The following TTBK2 variants were observed in gnomAD, a reference collection of about 807,000 sequenced individuals.
TTBK2 encodes tau tubulin kinase 2.
In TTBK2, 28 loss-of-function variants were observed where a neutral mutation model predicts 110.8. The observed-to-expected ratio is 0.25, with a 90% confidence interval of 0.19 to 0.35. The LOEUF (loss-of-function observed/expected upper bound fraction) is 0.35, where lower values mean the gene tolerates loss of function less well. Ranked by LOEUF, TTBK2 falls within the 10% of genes least tolerant of loss-of-function variation. The pLI is 1.00. For synonymous variants in TTBK2, 532 were observed against 527.3 expected, an observed-to-expected ratio of 1.01 and a Z score of -0.12; for missense variants, 1,369 against 1,500.3, an observed-to-expected ratio of 0.91 and a Z score of 1.45.
intron 10 of TTBK2, among the ~76,000 whole-genome samples, chr15:42,793,685 C>T (rs2140862924): frequency 6.6e-6 from 1 of 152,134 alleles, no homozygotes; most frequent in Non-Finnish European, 1.5e-5. Flanking sequence ...CCCGTCTCTA[C>T]TAAAAATACA....
intron 9 of TTBK2, chr15:42,801,560 T>G: frequency 1.3e-6 from 1 of 768,186 alleles, no homozygotes; most frequent in South Asian, 1.3e-5. Context: ...CTCCTTATAC[T>G]TGATCTAGTA....
At chr15:42,857,527 G>C (rs1451955049) in intron 3 of TTBK2, 1 of 138,488 alleles carries the variant, frequency 7.2e-6, no homozygotes, top group African/African-American at 2.6e-5. Flanking sequence ...CTAAAATAAA[G>C]AAAAAAAAAA....
chr15:42,892,370 C>T (rs1046822648), intron 1 of TTBK2, among the ~76,000 whole-genome samples: 1 of 152,016 alleles, frequency 6.6e-6, no homozygotes, highest in Non-Finnish European at 1.5e-5. Context: ...GCAACACAGA[C>T]GGTATTACAC....
intron 6 of TTBK2, 88 bp downstream of exon 6, chr15:42,827,840 G>T: frequency 9.7e-7 from 1 of 1,027,268 alleles, no homozygotes; most frequent in Non-Finnish European, 1.5e-6. Context: ...CATCCATTAG[G>T]ATAAATAATT....
intron 11 of TTBK2, 61 bp downstream of exon 11, chr15:42,783,358 G>C: frequency 1.9e-6 from 3 of 1,544,464 alleles, no homozygotes; most frequent in Non-Finnish European, 2.7e-6. Flanking sequence ...CTTCCTTCTT[G>C]GACTTCCCAG....
At chr15:42,897,646 C>T (rs893635117) in intron 1 of TTBK2, among the ~76,000 whole-genome samples, 2 of 152,052 alleles carry the variant, frequency 1.3e-5, no homozygotes, top group Non-Finnish European at 2.9e-5. Context: ...TTCATCCATT[C>T]GACAAGTATT....
chr15:42,788,816 G>T (rs1890518356), intron 10 of TTBK2, among the ~76,000 whole-genome samples: 1 of 152,056 alleles, frequency 6.6e-6, no homozygotes, highest in African/African-American at 2.4e-5. Flanking sequence ...AACTGAAAAT[G>T]TTTTCCTTTT....
chr15:42,880,534 G>A lies in TTBK2; in HGVS notation c.-67-1850C>T, dbSNP rs114783811. ...CCCAAGGAGCTGGGACTACAGGCAC[G>A]CACTACCATACCTGGATAACATTGT... On this transcript the variant is annotated intron_variant, in intron 1 of 14. Transcript: ENST00000267890. Among the ~76,000 whole-genome samples the A allele has an allele frequency of 9.3e-3, 1,410 of 152,090 alleles. 17 individuals carry two copies. Among genetic ancestry groups the A allele is most frequent in the African/African-American group, 0.032 (1,316 of 41,508 alleles).
At chr15:42,773,753 A>AGGTGGAAAGAGTGGATG (rs1595895567) in intron 13 of TTBK2, among the ~76,000 whole-genome samples, 1 of 152,186 alleles carries the variant, frequency 6.6e-6, no homozygotes, top group East Asian at 1.9e-4. Flanking sequence ...GAACCTGGGA[A>AGGTGGAAAGAGTGGATG]GGTGGAAAGA....
chr15:42,868,767 C>A (rs1894488097), intron 3 of TTBK2, among the ~76,000 whole-genome samples: 1 of 151,582 alleles, frequency 6.6e-6, no homozygotes, highest in Non-Finnish European at 1.5e-5. Context: ...GAGGCTGAGG[C>A]CAGAGGACTG....
intron 9 of TTBK2, among the ~76,000 whole-genome samples, chr15:42,804,332 T>C (rs1891360227): frequency 6.6e-6 from 1 of 151,594 alleles, no homozygotes. Flanking sequence ...TAATCCCAGC[T>C]ACTTGGGAGG....
At chr15:42,770,122 G>A (rs1889603365) in intron 13 of TTBK2, among the ~76,000 whole-genome samples, 1 of 144,664 alleles carries the variant, frequency 6.9e-6, no homozygotes, top group African/African-American at 2.6e-5. Flanking sequence ...GGCAGGGGGA[G>A]GGATAGCAGA....
intron 3 of TTBK2, among the ~76,000 whole-genome samples, chr15:42,866,705 A>G (rs1051877983): frequency 2.6e-5 from 4 of 152,336 alleles, no homozygotes; most frequent in Admixed American, 6.5e-5. Context: ...AATAGAAATC[A>G]TACAATGTCT....
chr15:42,810,382 AATAAACCT>A (rs1567037130), intron 9 of TTBK2, among the ~76,000 whole-genome samples: 1 of 152,212 alleles, frequency 6.6e-6, no homozygotes, highest in East Asian at 1.9e-4. Context: ...TTGCAAGATG[AATAAACCT>A]AAAACTCGAA....
At chr15:42,855,531 T>C (rs895733402) in intron 3 of TTBK2, among the ~76,000 whole-genome samples, 5 of 152,196 alleles carry the variant, frequency 3.3e-5, no homozygotes, top group African/African-American at 1.2e-4. Context: ...AAAGAGCTTC[T>C]ACTGGTGAAA....
chr15:42,844,831 T>C (rs1893381182), intron 3 of TTBK2, among the ~76,000 whole-genome samples: 1 of 152,130 alleles, frequency 6.6e-6, no homozygotes, highest in Non-Finnish European at 1.5e-5. Context: ...TAACACCTTG[T>C]CTATAAGTAT....
intron 3 of TTBK2, among the ~76,000 whole-genome samples, chr15:42,865,829 G>A (rs1894353203): frequency 6.6e-6 from 1 of 151,910 alleles, no homozygotes; most frequent in African/African-American, 2.4e-5. Context: ...TTTCAAAAAA[G>A]AAAAGAAAAG....
At chr15:42,865,901 T>G (rs1894355389) in intron 3 of TTBK2, among the ~76,000 whole-genome samples, 1 of 152,178 alleles carries the variant, frequency 6.6e-6, no homozygotes, top group Non-Finnish European at 1.5e-5. Context: ...TTAATCTACC[T>G]ATACAAACAA....
chr15:42,901,378 T>A (rs2029997574), intron 1 of TTBK2, among the ~76,000 whole-genome samples: 1 of 151,562 alleles, frequency 6.6e-6, no homozygotes, highest in Non-Finnish European at 1.5e-5. Flanking sequence ...AAAAAAATTA[T>A]TAGAGGAAAA....
Sources: allele counts gnomAD v4.1 joint callset (sites outside exome capture counted in the v4.1 genomes callset), GRCh38; gene constraint gnomAD v4.1.1; transcripts MANE v1.5; gene names NCBI Gene and HGNC (gene_info 2026-07-23, HGNC 2026-07-21).